The following TBXAS1 variants were observed in gnomAD, a reference collection of about 807,000 sequenced individuals.
TBXAS1 encodes thromboxane A synthase 1.
TBXAS1 carries 48 observed loss-of-function variants against 60.7 expected under a neutral mutation model. That is an observed-to-expected ratio of 0.79 (90% CI 0.63 to 1.01). The LOEUF (loss-of-function observed/expected upper bound fraction) is 1.01, where lower values mean the gene tolerates loss of function less well. Ranked by LOEUF, TBXAS1 falls within the 50% of genes least tolerant of loss-of-function variation. The probability of loss-of-function intolerance (pLI) is 0.00; values close to 1 mark genes in which losing one functional copy is unlikely to be tolerated. For synonymous variants in TBXAS1, 287 were observed against 269.7 expected (o/e 1.06, Z -0.63); for missense variants, 685 against 686.3 (o/e 1.00, Z 0.02).
intron 9 of TBXAS1, among the ~76,000 whole-genome samples, chr7:139,964,906 A>G (rs974322951): frequency 3.9e-5 from 6 of 152,232 alleles, no homozygotes; most frequent in Non-Finnish European, 7.3e-5. Context: ...TCAGTCTGCC[A>G]GGAGGACACA....
intron 3 of TBXAS1, among the ~76,000 whole-genome samples, chr7:139,878,253 G>A (rs1436737010): frequency 1.3e-5 from 2 of 149,432 alleles, no homozygotes; most frequent in African/African-American, 2.5e-5. Flanking sequence ...AGAGAGAGAG[G>A]AGAGAGAGAG....
At chr7:139,921,527 CT>C (rs1411682117) in intron 4 of TBXAS1, among the ~76,000 whole-genome samples, 3 of 152,010 alleles carry the variant, frequency 2.0e-5, no homozygotes, top group East Asian at 1.9e-4. Context: ...AGTGAGACCC[CT>C]GTCTCTACAA....
intron 1 of TBXAS1, among the ~76,000 whole-genome samples, chr7:139,861,694 A>G (rs888594021): frequency 6.6e-6 from 1 of 152,214 alleles, no homozygotes; most frequent in Admixed American, 6.5e-5. Context: ...ACGGTAACAC[A>G]TGCTATTTTT....
chr7:139,935,500 G>A (rs1057215358), intron 4 of TBXAS1, among the ~76,000 whole-genome samples: 2 of 152,158 alleles, frequency 1.3e-5, no homozygotes, highest in Non-Finnish European at 1.5e-5. Flanking sequence ...GTCACATTCC[G>A]AGGTTCTTGG....
chr7:139,914,024 CA>C (rs888550709), intron 4 of TBXAS1: 3 of 150,430 alleles, frequency 2.0e-5, no homozygotes, highest in Non-Finnish European at 4.4e-5. Context: ...AGCTTGAGCA[CA>C]TATCTTTTTT....
At chr7:139,902,736 C>T (rs1381252180) in intron 3 of TBXAS1, among the ~76,000 whole-genome samples, 1 of 152,124 alleles carries the variant, frequency 6.6e-6, no homozygotes, top group Non-Finnish European at 1.5e-5. Context: ...ATAAATGATC[C>T]ACTTTCTCCA....
chr7:139,862,145 G>A (rs1801016686), intron 1 of TBXAS1, among the ~76,000 whole-genome samples: 1 of 152,178 alleles, frequency 6.6e-6, no homozygotes, highest in African/African-American at 2.4e-5. Flanking sequence ...GACATTCAAA[G>A]CATCCATCAA....
upstream of TBXAS1, among the ~76,000 whole-genome samples, chr7:139,824,829 C>CTTTTCTTTTTTTTTTTTTTTTT (rs1401847052): frequency 1.5e-4 from 6 of 38,862 alleles, 2 homozygotes; most frequent in Admixed American, 3.4e-4. Context: ...TTTTCCTTTT[C>CTTTTCTTTTTTTTTTTTTTTTT]TTTTTTTTTT....
chr7:139,952,181 TACA>T lies in TBXAS1; in HGVS notation c.451-1180_451-1178del, dbSNP rs1348037323. ...TAGACGAAGTCAGATTTTGCCTCAGTACAACAACATACCTTCTGAGAAGCAGAT... is the reference window on the plus strand; with the variant it reads ...TAGACGAAGTCAGATTTTGCCTCAGTACAACATACCTTCTGAGAAGCAGAT... On this transcript the variant is annotated intron_variant, in intron 5 of 12. Transcript: ENST00000448866. 3.9e-5 allele frequency among the ~76,000 whole-genome samples: 6 copies of T among 152,320 alleles called. No homozygotes were observed. The East Asian group carries it at 1.2e-3, about 29-fold the overall frequency.
At position 139,916,148 on chromosome 7, in the gene TBXAS1, T is replaced by C. The variant is rs1805949219; in HGVS notation, c.333+4827T>C. Among the ~76,000 whole-genome samples the C allele has an allele frequency of 6.6e-6, 1 of 152,194 alleles. No individual in the cohort carries two copies. The highest frequency in any genetic ancestry group is 2.4e-5 in the African/African-American group (1 of 41,452). On this transcript the variant is annotated intron_variant, in intron 4 of 12. Coordinates refer to ENST00000448866, the MANE Select transcript of TBXAS1 (RefSeq NM_001061.7). This position sits in a 1 kb window ranked among gnomAD's most constrained non-coding sequence, Gnocchi z 4.2. ...TAATGAAACCATAGGGCAGCTCTTT[T>C]TTAAATATCTGTGGAAAATGGAGCT...
At chr7:139,812,844 G>A (rs1048983516) in intron 4 of TBXAS1, among the ~76,000 whole-genome samples, 1 of 152,036 alleles carries the variant, frequency 6.6e-6, no homozygotes, top group African/African-American at 2.4e-5. Flanking sequence ...ATCACTTGAG[G>A]TCAGGAGTTC....
intron 4 of TBXAS1, among the ~76,000 whole-genome samples, chr7:139,921,127 G>A (rs1806435586): frequency 6.6e-6 from 1 of 151,884 alleles, no homozygotes; most frequent in African/African-American, 2.4e-5. Context: ...CAAACCTTGA[G>A]TGTAAAGCTC....
Position 139,875,709 on chromosome 7 carries a change from G to A in TBXAS1, c.236+72G>A, listed in dbSNP as rs752862648. 14 of 1,559,374 alleles carry A rather than the reference G, an allele frequency of 9.0e-6. No individual in the cohort carries two copies. In the Admixed American group the frequency reaches 1.2e-4, roughly 13 times the overall value. On this transcript the variant is annotated intron_variant, in intron 3 of 12. Transcript: ENST00000448866. Reference sequence around the variant, plus strand: ...ATGTACGATATTTTGATTTTCACGTGTTGAACTGATATAGAAGAAATGCCA... The same window carrying A: ...ATGTACGATATTTTGATTTTCACGTATTGAACTGATATAGAAGAAATGCCA...
chr7:140,001,214 G>A (rs1305964580), intron 9 of TBXAS1, among the ~76,000 whole-genome samples: 1 of 152,196 alleles, frequency 6.6e-6, no homozygotes, highest in Non-Finnish European at 1.5e-5. Flanking sequence ...TTTGAAACAG[G>A]AGGCAGAGAG....
At position 139,960,624 on chromosome 7, in the gene TBXAS1, T is replaced by C. The variant is rs1810253882; in HGVS notation, c.820-1295T>C. ...AGCCGGGTGTGGTGGCACATGCCTA[T>C]AGTCCCAGCTACTCAGGAGGCTGAG... is the stretch of plus-strand genomic sequence containing the variant. On this transcript the variant is annotated intron_variant, in intron 8 of 12. Transcript: ENST00000448866. 1.3e-5 allele frequency among the ~76,000 whole-genome samples: 2 copies of C among 151,492 alleles called. 1 individual carries two copies. Among genetic ancestry groups the C allele is most frequent in the South Asian group, 4.2e-4 (2 of 4,818 alleles).
At chr7:139,974,682 G>A (rs1052085465) in intron 9 of TBXAS1, among the ~76,000 whole-genome samples, 2 of 152,156 alleles carry the variant, frequency 1.3e-5, no homozygotes, top group African/African-American at 4.8e-5. Flanking sequence ...TTTGAACAGC[G>A]CCAGCATTAC....
intron 9 of TBXAS1, among the ~76,000 whole-genome samples, chr7:139,994,852 A>G (rs1189819939): frequency 2.6e-5 from 4 of 152,224 alleles, no homozygotes; most frequent in African/African-American, 9.6e-5. Context: ...GGCCTTATTA[A>G]TAAATCCATC....
At chr7:140,010,894 G>A (rs562088418) in intron 10 of TBXAS1, among the ~76,000 whole-genome samples, 105 of 151,668 alleles carry the variant, frequency 6.9e-4, no homozygotes, top group African/African-American at 2.4e-3. Flanking sequence ...ACAGCTTGAA[G>A]TAAAATCCAG....
At chr7:140,007,247 G>A in intron 10 of TBXAS1, 65 bp downstream of exon 10, 1 of 1,414,942 alleles carries the variant, frequency 7.1e-7, no homozygotes, top group Non-Finnish European at 1.0e-6. Flanking sequence ...GCCCCAGCCT[G>A]CAGGTCAGGG....
Sources: allele counts gnomAD v4.1 joint callset (sites outside exome capture counted in the v4.1 genomes callset), GRCh38; gene constraint gnomAD v4.1.1; non-coding constraint Gnocchi (gnomAD v3.1); transcripts MANE v1.5; gene names NCBI Gene and HGNC (gene_info 2026-07-23, HGNC 2026-07-21).